NTM: variants seen among roughly 807,000 people sequenced by gnomAD.
NTM encodes neurotrimin, also known as IgLON family member 2.
NTM carries 13 observed loss-of-function variants against 42.1 expected under a neutral mutation model. That is an observed-to-expected ratio of 0.31 (90% CI 0.20 to 0.49). NTM has a LOEUF of 0.49. Ranked by LOEUF, NTM falls within the 20% of genes least tolerant of loss-of-function variation. The probability of loss-of-function intolerance (pLI) is 0.99; values close to 1 mark genes in which losing one functional copy is unlikely to be tolerated. For synonymous variants in NTM, 187 were observed against 179.2 expected (o/e 1.04, Z -0.35); for missense variants, 373 against 452.8 (o/e 0.82, Z 1.60).
intron 4 of NTM, among the ~76,000 whole-genome samples, chr11:132,225,336 A>T (rs1342878644): frequency 1.3e-5 from 2 of 152,086 alleles, no homozygotes; most frequent in African/African-American, 4.8e-5. Flanking sequence ...TGGGTGAAGA[A>T]AGCCAGGAGG....
At chr11:131,557,124 A>T (rs933472115) in intron 1 of NTM, among the ~76,000 whole-genome samples, 17 of 152,128 alleles carry the variant, frequency 1.1e-4, no homozygotes, top group Non-Finnish European at 2.4e-4. Context: ...TAAAGCAAAC[A>T]TAGAGATGAA....
chr11:132,064,181 C>T (rs976949203), intron 2 of NTM, among the ~76,000 whole-genome samples: 2 of 152,142 alleles, frequency 1.3e-5, no homozygotes, highest in African/African-American at 4.8e-5. Flanking sequence ...GTTGCACACT[C>T]TCTTTAAGAA....
chr11:132,021,630 ATTTTTTGATGT>A (rs2074352720), intron 2 of NTM, among the ~76,000 whole-genome samples: 1 of 151,904 alleles, frequency 6.6e-6, no homozygotes, highest in African/African-American at 2.4e-5. Context: ...TGTCTTAGGG[ATTTTTTGATGT>A]TTTTAAATTT....
intron 3 of NTM, among the ~76,000 whole-genome samples, chr11:132,167,817 T>A (rs2075512973): frequency 6.6e-6 from 1 of 152,216 alleles, no homozygotes; most frequent in Non-Finnish European, 1.5e-5. Flanking sequence ...TAACAACTAT[T>A]CTTCCCCCTA....
At chr11:131,528,930 G>A (rs541974797) in intron 1 of NTM, among the ~76,000 whole-genome samples, 11 of 152,204 alleles carry the variant, frequency 7.2e-5, no homozygotes, top group African/African-American at 2.2e-4. Flanking sequence ...TTGTATTTCC[G>A]AATAGATTAC....
chr11:131,499,756 C>T (rs939257696), intron 1 of NTM, among the ~76,000 whole-genome samples: 6 of 152,290 alleles, frequency 3.9e-5, no homozygotes, highest in African/African-American at 1.2e-4. Context: ...TGCATCAGAG[C>T]AAAAAAATCC....
chr11:131,605,626 A>G (rs2060883331), intron 1 of NTM: 2 of 174,850 alleles, frequency 1.1e-5, no homozygotes, highest in African/African-American at 2.4e-5. Flanking sequence ...CTAATCTTAC[A>G]GGGAACGTTT....
At chr11:132,191,368 C>T (rs2079298059) in intron 3 of NTM, among the ~76,000 whole-genome samples, 1 of 152,178 alleles carries the variant, frequency 6.6e-6, no homozygotes, top group African/African-American at 2.4e-5. Flanking sequence ...AGCCACAGAC[C>T]AAGTTCCAGC....
Position 131,565,471 on chromosome 11 carries a change from G to A in NTM, c.82+194583G>A, listed in dbSNP as rs142046822. Among the ~76,000 whole-genome samples the A allele has an allele frequency of 2.7e-4, 41 of 152,258 alleles. No individual in the cohort carries two copies. In the East Asian group the frequency reaches 8.0e-3, roughly 30 times the overall value. On this transcript the variant is annotated intron_variant, in intron 1 of 8. Transcript: ENST00000683400. ...GGGTTGGTTCTGTTCTCATGCCATTGCCACACCTTGTACACAGCTCGGTTG... is the reference window on the plus strand; with the variant it reads ...GGGTTGGTTCTGTTCTCATGCCATTACCACACCTTGTACACAGCTCGGTTG...
intron 1 of NTM, among the ~76,000 whole-genome samples, chr11:131,436,361 C>T (rs1949133907): frequency 6.6e-6 from 1 of 152,122 alleles, no homozygotes; most frequent in Non-Finnish European, 1.5e-5. Context: ...AGGAATGGTA[C>T]CAGCTCCTTT....
At chr11:131,985,229 A>G (rs1403973679) in intron 2 of NTM, among the ~76,000 whole-genome samples, 1 of 152,206 alleles carries the variant, frequency 6.6e-6, no homozygotes, top group African/African-American at 2.4e-5. Flanking sequence ...TTGGTTTGTC[A>G]TAGAAGTTAT....
chr11:131,906,473 C>A (rs1249617376), intron 1 of NTM, among the ~76,000 whole-genome samples: 1 of 152,130 alleles, frequency 6.6e-6, no homozygotes, highest in Non-Finnish European at 1.5e-5. Context: ...TACTAAAGAT[C>A]TTCCAAGGTC....
At chr11:132,045,878 A>T (rs1019675975) in intron 2 of NTM, among the ~76,000 whole-genome samples, 2 of 152,218 alleles carry the variant, frequency 1.3e-5, no homozygotes, top group African/African-American at 2.4e-5. Flanking sequence ...ATCTCTGGAA[A>T]TCTGTCCGAG....
chr11:132,189,858 C>T (rs1317026900), intron 3 of NTM, among the ~76,000 whole-genome samples: 3 of 152,210 alleles, frequency 2.0e-5, no homozygotes, highest in Non-Finnish European at 4.4e-5. Flanking sequence ...GGTGCTCCTA[C>T]TATTCGCAAG....
Position 131,569,464 on chromosome 11 carries a change from T to G in NTM, c.82+198576T>G, listed in dbSNP as rs1439088950. Among the ~76,000 whole-genome samples the G allele has an allele frequency of 1.2e-3, 176 of 152,212 alleles. 4 individuals carry two copies. The highest frequency in any genetic ancestry group is 0.011 in the Admixed American group (175 of 15,282). On this transcript the variant is annotated intron_variant, in intron 1 of 8. Transcript: ENST00000683400. ...CCTGGCCCCTAATCTGCTTTCTGTC[T>G]TTATAAATTTACCTGTCCTGGACAT... is the stretch of plus-strand genomic sequence containing the variant.
chr11:131,759,621 G>A (rs919344112), intron 1 of NTM, among the ~76,000 whole-genome samples: 10 of 151,266 alleles, frequency 6.6e-5, no homozygotes, highest in African/African-American at 2.2e-4. Context: ...AGAGGTTAGA[G>A]AGAAGCCAGC....
intron 1 of NTM, among the ~76,000 whole-genome samples, chr11:131,419,684 A>G (rs1947307129): frequency 6.6e-6 from 1 of 152,230 alleles, no homozygotes; most frequent in Non-Finnish European, 1.5e-5. Context: ...GTTGAAGGCC[A>G]TAATAAAAAG....
chr11:131,692,237 G>T (rs1317969131), intron 1 of NTM, among the ~76,000 whole-genome samples: 2 of 152,234 alleles, frequency 1.3e-5, no homozygotes, highest in Non-Finnish European at 2.9e-5. Context: ...AGACCTCTGG[G>T]TGATGCTGGC....
chr11:132,060,377 A>T (rs1192582372), intron 2 of NTM, among the ~76,000 whole-genome samples: 2 of 152,188 alleles, frequency 1.3e-5, no homozygotes, highest in Non-Finnish European at 2.9e-5. Flanking sequence ...TTTTTTTTAA[A>T]GCAAGTCTGC....
Sources: allele counts gnomAD v4.1 joint callset (sites outside exome capture counted in the v4.1 genomes callset), GRCh38; gene constraint gnomAD v4.1.1; transcripts MANE v1.5; gene names NCBI Gene and HGNC (gene_info 2026-07-23, HGNC 2026-07-21).